The following TSPAN33 variants were observed in gnomAD, a reference collection of about 807,000 sequenced individuals.
TSPAN33 encodes the protein tetraspanin 33.
A neutral mutation model predicts 34.8 loss-of-function variants in TSPAN33; 27 were observed. The ratio of observed to expected loss-of-function variants is 0.78; its 90% confidence interval spans 0.57 to 1.07. The LOEUF is 1.07. Ranked by LOEUF, TSPAN33 falls within the 50% of genes least tolerant of loss-of-function variation. The pLI is 0.00. For synonymous variants in TSPAN33, 119 were observed against 124.2 expected (o/e 0.96, Z 0.28); for missense variants, 272 against 324.9 (o/e 0.84, Z 1.25).
intron 1 of TSPAN33, among the ~76,000 whole-genome samples, chr7:129,145,565 C>G (rs1169922467): frequency 6.6e-6 from 1 of 151,456 alleles, no homozygotes; most frequent in African/African-American, 2.4e-5. Context: ...CCCACCTCCA[C>G]CCCCCCAAAG....
At chr7:129,149,822 G>T (rs981318768) in intron 1 of TSPAN33, among the ~76,000 whole-genome samples, 1 of 152,224 alleles carries the variant, frequency 6.6e-6, no homozygotes, top group Non-Finnish European at 1.5e-5. Flanking sequence ...GAGGGAGAGC[G>T]CTGACAGCCA....
rs1188643322 is a variant in TSPAN33 at position 129,166,850 on chromosome 7, C to G, written c.532C>G (p.Pro178Ala). Residue 178 changes from proline to alanine, a missense_variant, in exon 6 of 8, where the codon CCC becomes GCC. By Grantham distance (27) the Pro-to-Ala change is conservative (BLOSUM62 -1). Coordinates refer to ENST00000486685, the MANE Select transcript of TSPAN33 (RefSeq NM_178562.5). ...GTATTTCAACTGCTCAGAAGACAAC[C>G]CCAGTCGAGAGCGCTGCTCTGTGCC... ...NMYFNCSEDN[P>A]SRERCSVPYS... The G allele has an allele frequency of 6.2e-7, 1 of 1,614,112 alleles. No individual in the cohort carries two copies. Among genetic ancestry groups the G allele is most frequent in the Non-Finnish European group, 8.5e-7 (1 of 1,180,008 alleles).
chr7:129,157,722 G>A (rs1434658241), intron 1 of TSPAN33, among the ~76,000 whole-genome samples: 2 of 152,154 alleles, frequency 1.3e-5, no homozygotes, highest in African/African-American at 2.4e-5. Flanking sequence ...CGATTCTAAT[G>A]GCAGCCAAAG....
At chr7:129,146,277 C>A (rs1810519107) in intron 1 of TSPAN33, among the ~76,000 whole-genome samples, 1 of 152,274 alleles carries the variant, frequency 6.6e-6, no homozygotes, top group Non-Finnish European at 1.5e-5. Context: ...CCTGTTGGGA[C>A]AAATGAGAGA....
Position 129,167,686 on chromosome 7 carries a change from A to G in TSPAN33, c.751-87A>G, listed in dbSNP as rs1443919791. On this transcript the variant is annotated intron_variant, in intron 7 of 7. Transcript: ENST00000486685. This position sits in a 1 kb window ranked among gnomAD's most constrained non-coding sequence, Gnocchi z 4.6. ...ATGGCTGAGGGGTAGGGAAAGGGAT[A>G]GTGCTGGCCGCACTGGGAAGATCGA... The G allele has an allele frequency of 3.2e-6, 5 of 1,565,516 alleles. No individual in the cohort carries two copies. Among genetic ancestry groups the G allele is most frequent in the Non-Finnish European group, 3.5e-6 (4 of 1,141,186 alleles).
rs1793105993 is a variant in TSPAN33, at chr7:129,164,461, A to G, written c.364-13A>G. The G allele has an allele frequency of 4.3e-6, 7 of 1,613,060 alleles. No homozygotes were observed. The highest frequency in any genetic ancestry group is 5.9e-6 in the Non-Finnish European group (7 of 1,179,352). On this transcript the variant is annotated splice_polypyrimidine_tract_variant and intron_variant, in intron 4 of 7. Transcript: ENST00000486685. The stretch of plus-strand genomic sequence containing the variant: ...AGTCCTGTGTTCTGATTCCTTGCCC[A>G]TGTCTCCGGCAGGCTCGAGGGAAAG...
chr7:129,154,594 A>G (rs1427958954), intron 1 of TSPAN33, among the ~76,000 whole-genome samples: 1 of 151,856 alleles, frequency 6.6e-6, no homozygotes. Flanking sequence ...ATACAAAATT[A>G]GCCGGGTGTG....
chr7:129,153,200 C>A (rs898280607), intron 1 of TSPAN33, among the ~76,000 whole-genome samples: 5 of 151,658 alleles, frequency 3.3e-5, no homozygotes, highest in African/African-American at 1.2e-4. Context: ...AGACTGAAAG[C>A]AGATTTGTGG....
At position 129,169,123 on chromosome 7, in the gene TSPAN33, G is replaced by A. The variant is rs1043641069; in HGVS notation, c.*1249G>A. Among the ~76,000 whole-genome samples, 1 of 152,240 alleles carries A rather than the reference G, an allele frequency of 6.6e-6. No individual in the cohort carries two copies. Among genetic ancestry groups the A allele is most frequent in the Non-Finnish European group, 1.5e-5 (1 of 68,044 alleles). On this transcript the variant is annotated 3_prime_UTR_variant, in exon 8 of 8. Coordinates refer to ENST00000486685, the MANE Select transcript of TSPAN33 (RefSeq NM_178562.5). The stretch of plus-strand genomic sequence containing the variant: ...TAATTTGTCACCCAAAACAGGAGGG[G>A]GATGGGGAGGAGGGACATGAGCACT...
chr7:129,155,395 G>A (rs1810652662), intron 1 of TSPAN33, among the ~76,000 whole-genome samples: 1 of 152,106 alleles, frequency 6.6e-6, no homozygotes, highest in Non-Finnish European at 1.5e-5. Context: ...AAATTTAAAA[G>A]GCTTCTAACA....
chr7:129,162,996 A>T, intron 4 of TSPAN33, 89 bp downstream of exon 4: 1 of 1,255,972 alleles, frequency 8.0e-7, no homozygotes, highest in Non-Finnish European at 1.1e-6. Flanking sequence ...TTAATTAACC[A>T]CAGCTCCTTC....
At chr7:129,155,526 AT>A (rs1283028276) in intron 1 of TSPAN33, among the ~76,000 whole-genome samples, 1 of 152,220 alleles carries the variant, frequency 6.6e-6, no homozygotes, top group Admixed American at 6.5e-5. Flanking sequence ...ACATATATCA[AT>A]TAAAAACATT....
In TSPAN33 at chr7:129,148,147, G is replaced by A. The variant is rs1810545162; in HGVS notation, c.102+3065G>A. Reference sequence around the variant, plus strand: ...TTCTCAGCTTGGCCATGTGTTGTCAGGAATATTCAGTGCCGCCCACCTCCT... The same window carrying A: ...TTCTCAGCTTGGCCATGTGTTGTCAAGAATATTCAGTGCCGCCCACCTCCT... On this transcript the variant is annotated intron_variant, in intron 1 of 7. Coordinates refer to ENST00000486685, the MANE Select transcript of TSPAN33 (RefSeq NM_178562.5). This position sits in a 1 kb window ranked among gnomAD's most constrained non-coding sequence, Gnocchi z 4.2. Among the ~76,000 whole-genome samples, 1 of 152,174 alleles carries A rather than the reference G, an allele frequency of 6.6e-6. No individual in the cohort carries two copies. The highest frequency in any genetic ancestry group is 2.1e-4 in the South Asian group (1 of 4,828).
At chr7:129,166,022 C>T (rs533991094) in intron 5 of TSPAN33, among the ~76,000 whole-genome samples, 5 of 152,168 alleles carry the variant, frequency 3.3e-5, no homozygotes, top group Admixed American at 6.5e-5. Context: ...CTGCAACATC[C>T]GCCTCCTGGG....
At chr7:129,150,904 A>AAGGAAAACCAAAAACAAAGG (rs2150621437) in intron 1 of TSPAN33, among the ~76,000 whole-genome samples, 1 of 152,268 alleles carries the variant, frequency 6.6e-6, no homozygotes, top group South Asian at 2.1e-4. Context: ...CACCATAACA[A>AAGGAAAACCAAAAACAAAGG]AGGAAAACCA....
chr7:129,150,688 T>C (rs183778070), intron 1 of TSPAN33, among the ~76,000 whole-genome samples: 22 of 152,250 alleles, frequency 1.4e-4, no homozygotes, highest in Non-Finnish European at 2.9e-4. Flanking sequence ...AATGAGACAG[T>C]GTTTAGCCCA....
intron 1 of TSPAN33, among the ~76,000 whole-genome samples, chr7:129,160,571 GAGA>G (rs1319281079): frequency 6.6e-6 from 1 of 152,188 alleles, no homozygotes; most frequent in African/African-American, 2.4e-5. Context: ...TTCTCTCAGG[GAGA>G]AGCCAGGAAA....
At chr7:129,149,659 A>G (rs536330582) in intron 1 of TSPAN33, among the ~76,000 whole-genome samples, 1 of 109,878 alleles carries the variant, frequency 9.1e-6, no homozygotes, top group African/African-American at 3.4e-5. Context: ...TATTTACTGC[A>G]AGCCCTTGCA....
chr7:129,150,021 C>G (rs1014770755), intron 1 of TSPAN33, among the ~76,000 whole-genome samples: 2 of 152,252 alleles, frequency 1.3e-5, no homozygotes, highest in African/African-American at 2.4e-5. Flanking sequence ...GTGGAGACCA[C>G]TGCCTTGCCC....
Sources: gnomAD v4.1 joint callset for allele counts (sites outside exome capture counted in the v4.1 genomes callset) on GRCh38, gnomAD v4.1.1 for gene constraint, Gnocchi (gnomAD v3.1) non-coding constraint, MANE v1.5 for transcripts, NCBI Gene and HGNC (gene_info 2026-07-23, HGNC 2026-07-21) for gene names.